Variants in IPCEF1 observed in about 807,000 individuals in gnomAD.
IPCEF1 encodes the protein interactor protein for cytohesin exchange factors 1.
A neutral mutation model predicts 50.9 loss-of-function variants in IPCEF1; 31 were observed. The observed-to-expected ratio is 0.61, with a 90% CI of 0.46 to 0.82. The LOEUF (loss-of-function observed/expected upper bound fraction) is 0.82. Ranked by LOEUF, IPCEF1 falls within the 40% of genes least tolerant of loss-of-function variation. The pLI is 0.00. For synonymous variants in IPCEF1, 181 were observed against 192.0 expected (o/e 0.94, Z 0.47); for missense variants, 458 against 514.0 (o/e 0.89, Z 1.05).
chr6:154,188,167 TA>T (rs1355139412), intron 10 of IPCEF1, among the ~76,000 whole-genome samples: 1 of 152,210 alleles, frequency 6.6e-6, no homozygotes, highest in African/African-American at 2.4e-5. Context: ...GTTTGATTCT[TA>T]AAAATGCATT....
At chr6:154,276,485 A>G (rs926699647) in intron 2 of IPCEF1, among the ~76,000 whole-genome samples, 1 of 152,198 alleles carries the variant, frequency 6.6e-6, no homozygotes. Flanking sequence ...AGGCTCTTAT[A>G]ATGATATTTG....
At chr6:154,192,133 T>C (rs903271919) in intron 10 of IPCEF1, among the ~76,000 whole-genome samples, 5 of 152,200 alleles carry the variant, frequency 3.3e-5, no homozygotes, top group Non-Finnish European at 7.3e-5. Flanking sequence ...CACCTGGAAG[T>C]GGAACTGCTG....
At chr6:154,297,609 C>T (rs1373265726) in intron 1 of IPCEF1, among the ~76,000 whole-genome samples, 1 of 152,120 alleles carries the variant, frequency 6.6e-6, no homozygotes, top group Non-Finnish European at 1.5e-5. Flanking sequence ...CTTAAAAATG[C>T]AAAAGAAAAA....
rs1274891075 is a variant in IPCEF1 at position 154,273,756 on chromosome 6, T to C, written c.-17-7792A>G. On this transcript the variant is annotated intron_variant, in intron 2 of 11. Transcript: ENST00000367220. ...TTTTTTTTTTTTTTTTTTTTTTTTTTTTTTTTTTTTTTTTTGAGGCAGAGT... is the reference window on the plus strand; with the variant it reads ...TTTTTTTTTTTTTTTTTTTTTTTTTCTTTTTTTTTTTTTTTGAGGCAGAGT... Among the ~76,000 whole-genome samples, 9 of 50,120 alleles carry C rather than the reference T, an allele frequency of 1.8e-4. 1 individual carries two copies. Among genetic ancestry groups the C allele is most frequent in the African/African-American group, 3.0e-4 (4 of 13,338 alleles). 32.9% of individuals were successfully genotyped at this position (50,120 alleles called of 152,430 possible). A position where few individuals can be genotyped will look rare whatever the true frequency, so the allele number is the denominator to read the frequency against.
At chr6:154,265,144 G>A (rs377594801) in intron 3 of IPCEF1, among the ~76,000 whole-genome samples, 11 of 152,144 alleles carry the variant, frequency 7.2e-5, no homozygotes, top group Non-Finnish European at 1.2e-4. Context: ...TACTAACATC[G>A]ACTTCCTAAT....
chr6:154,320,175 C>T (rs1040535520), intron 1 of IPCEF1, among the ~76,000 whole-genome samples: 10 of 152,096 alleles, frequency 6.6e-5, no homozygotes, highest in African/African-American at 2.4e-4. Flanking sequence ...AACAAAACCC[C>T]AAAACTCCTG....
chr6:154,250,903 T>G (rs1011619957), intron 3 of IPCEF1, among the ~76,000 whole-genome samples: 1 of 152,180 alleles, frequency 6.6e-6, no homozygotes, highest in Admixed American at 6.5e-5. Flanking sequence ...ATTGACAGTT[T>G]CAAATTACCA....
intron 2 of IPCEF1, among the ~76,000 whole-genome samples, chr6:154,272,477 A>C (rs1325437564): frequency 6.6e-6 from 1 of 152,246 alleles, no homozygotes; most frequent in African/African-American, 2.4e-5. Flanking sequence ...TTTAAAGAAC[A>C]ATTTCTTAAC....
At chr6:154,290,031 C>T (rs1414852242) in intron 1 of IPCEF1, among the ~76,000 whole-genome samples, 1 of 152,150 alleles carries the variant, frequency 6.6e-6, no homozygotes, top group Non-Finnish European at 1.5e-5. Flanking sequence ...GTTAAACTGG[C>T]TCTCTAAAAT....
intron 2 of IPCEF1, among the ~76,000 whole-genome samples, chr6:154,276,561 C>T (rs74455296): frequency 4.9e-4 from 75 of 152,224 alleles, no homozygotes; most frequent in African/African-American, 1.7e-3. Context: ...TACTTTAACA[C>T]GTGAAAAAAC....
chr6:154,315,836 G>A (rs1480700836), intron 1 of IPCEF1, among the ~76,000 whole-genome samples: 1 of 151,812 alleles, frequency 6.6e-6, no homozygotes, highest in African/African-American at 2.4e-5. Context: ...TTTTTTTGGG[G>A]GGGAGCGGTG....
chr6:154,343,211 T>C (rs893167660), intron 1 of IPCEF1, among the ~76,000 whole-genome samples: 1 of 152,206 alleles, frequency 6.6e-6, no homozygotes, highest in African/African-American at 2.4e-5. Context: ...CCTCAATTCA[T>C]TGAGCCCTTT....
At chr6:154,333,668 G>GTGTGTATATGTATATA (rs1783724861) in intron 1 of IPCEF1, among the ~76,000 whole-genome samples, 2 of 149,114 alleles carry the variant, frequency 1.3e-5, no homozygotes, top group Admixed American at 1.3e-4. Flanking sequence ...ATGTGTATAT[G>GTGTGTATATGTATATA]TGTGTATATG....
In IPCEF1 at chr6:154,185,799, C is replaced by A. The variant is rs535131247; in HGVS notation, c.910+13869G>T. On this transcript the variant is annotated intron_variant, in intron 10 of 11. Transcript: ENST00000367220. ...AAAAAGAAAAAAATCACAAAAAATT[C>A]TCATAATGTTATAAGAAAGTTGATG... Among the ~76,000 whole-genome samples the A allele has an allele frequency of 7.2e-5, 11 of 152,316 alleles. 1 individual carries two copies. In the South Asian group the frequency reaches 2.3e-3, roughly 32 times the overall value.
At chr6:154,163,418 T>C (rs1799181615) in intron 11 of IPCEF1, among the ~76,000 whole-genome samples, 1 of 152,254 alleles carries the variant, frequency 6.6e-6, no homozygotes. Flanking sequence ...AAGAGGCCTT[T>C]CATGTCCTTC....
intron 10 of IPCEF1, among the ~76,000 whole-genome samples, chr6:154,186,336 TTCTG>T (rs1340747387): frequency 6.6e-6 from 1 of 152,220 alleles, no homozygotes; most frequent in East Asian, 1.9e-4. Context: ...CATCTTTGAC[TTCTG>T]TCTTTCTCTT....
Position 154,224,834 on chromosome 6 carries a change from T to C in IPCEF1, c.247-1591A>G, listed in dbSNP as rs1779131810. On this transcript the variant is annotated intron_variant, in intron 5 of 11. Transcript: ENST00000367220. ...GTGAATATGTACTCATTCATATGTA[T>C]ATTATATATATGCAGCTTCTCTCTT... Among the ~76,000 whole-genome samples, 4 of 152,318 alleles carry C rather than the reference T, an allele frequency of 2.6e-5. 1 individual carries two copies. The South Asian group carries it at 8.3e-4, about 32-fold the overall frequency.
intron 9 of IPCEF1, among the ~76,000 whole-genome samples, chr6:154,209,248 T>C (rs2128602476): frequency 6.6e-6 from 1 of 152,320 alleles, no homozygotes; most frequent in Middle Eastern, 3.4e-3. Context: ...AAAATAAAAT[T>C]TTAACCAAAA....
intron 5 of IPCEF1, among the ~76,000 whole-genome samples, chr6:154,225,210 T>C (rs1347717167): frequency 6.6e-6 from 1 of 152,168 alleles, no homozygotes; most frequent in Non-Finnish European, 1.5e-5. Flanking sequence ...GCTCAAAAAC[T>C]TTCAGATTTT....
Sources: allele counts gnomAD v4.1 joint callset (sites outside exome capture counted in the v4.1 genomes callset), GRCh38; gene constraint gnomAD v4.1.1; transcripts MANE v1.5; gene names NCBI Gene and HGNC (gene_info 2026-07-23, HGNC 2026-07-21).